SLC4A10: variants seen among roughly 807,000 people sequenced by gnomAD.
SLC4A10 encodes sodium-driven chloride bicarbonate exchanger.
A neutral mutation model predicts 137.7 loss-of-function variants in SLC4A10; 42 were observed. The ratio of observed to expected loss-of-function variants is 0.30; its 90% CI spans 0.24 to 0.39. The LOEUF (loss-of-function observed/expected upper bound fraction) is 0.39. SLC4A10 is among the 10% of genes least tolerant of loss of function. SLC4A10 has a pLI of 1.00. For synonymous variants in SLC4A10, 474 were observed against 464.1 expected, an observed-to-expected ratio of 1.02 and a Z score of -0.27; for missense variants, 925 against 1,355.0, an observed-to-expected ratio of 0.68 and a Z score of 4.98.
At chr2:161,670,173 G>C (rs1334319029) in intron 1 of SLC4A10, among the ~76,000 whole-genome samples, 1 of 151,972 alleles carries the variant, frequency 6.6e-6, no homozygotes, top group African/African-American at 2.4e-5. Context: ...TTAGTCTTTA[G>C]GGTCTTTCCC....
chr2:161,755,447 C>T (rs1053333567), intron 1 of SLC4A10, among the ~76,000 whole-genome samples: 3 of 152,112 alleles, frequency 2.0e-5, no homozygotes, highest in Admixed American at 6.5e-5. Flanking sequence ...GTTTTCTCAT[C>T]TTTAAAATAT....
intron 11 of SLC4A10, among the ~76,000 whole-genome samples, chr2:161,895,365 A>G (rs1224413609): frequency 3.3e-5 from 5 of 152,120 alleles, no homozygotes; most frequent in East Asian, 1.9e-4. Flanking sequence ...TAGTGCCGCA[A>G]TAAACATACA....
chr2:161,892,700 C>G (rs1486051568), intron 10 of SLC4A10, among the ~76,000 whole-genome samples: 1 of 152,028 alleles, frequency 6.6e-6, no homozygotes, highest in Non-Finnish European at 1.5e-5. Flanking sequence ...TTTAGGCCAG[C>G]ATAAAGAATA....
At chr2:161,851,870 G>C (rs1030915002) in intron 4 of SLC4A10, among the ~76,000 whole-genome samples, 6 of 151,982 alleles carry the variant, frequency 3.9e-5, no homozygotes, top group African/African-American at 1.4e-4. Context: ...ATAATTTTTG[G>C]AGATTACATT....
intron 3 of SLC4A10, among the ~76,000 whole-genome samples, chr2:161,817,642 G>C (rs2057218641): frequency 1.3e-5 from 2 of 152,122 alleles, no homozygotes; most frequent in African/African-American, 4.8e-5. Flanking sequence ...AATCCATCTT[G>C]AATTAATTTT....
At chr2:161,977,832 G>A (rs1699626173) in intron 26 of SLC4A10, 72 bp downstream of exon 26, 1 of 1,439,904 alleles carries the variant, frequency 6.9e-7, no homozygotes, top group African/African-American at 1.5e-5. Flanking sequence ...CTAGAAACCT[G>A]GTCAGTCTAT....
intron 1 of SLC4A10, among the ~76,000 whole-genome samples, chr2:161,748,563 G>T (rs77352114): frequency 0.028 from 4,187 of 151,372 alleles, 176 homozygotes; most frequent in African/African-American, 0.096. Flanking sequence ...TATCTTCTTG[G>T]TTGCTTTGTC....
At chr2:161,808,385 C>A (rs927018887) in intron 3 of SLC4A10, among the ~76,000 whole-genome samples, 1 of 152,008 alleles carries the variant, frequency 6.6e-6, no homozygotes, top group South Asian at 2.1e-4. Flanking sequence ...TTGCTCATAT[C>A]CCTTTACTTT....
At chr2:161,692,785 T>C (rs77887528) in intron 1 of SLC4A10, among the ~76,000 whole-genome samples, 84 of 152,208 alleles carry the variant, frequency 5.5e-4, no homozygotes, top group African/African-American at 2.0e-3. Context: ...TAATCAGATG[T>C]TTAAATTTTA....
At chr2:161,905,190 C>T (rs900603104) in intron 14 of SLC4A10, among the ~76,000 whole-genome samples, 2 of 152,070 alleles carry the variant, frequency 1.3e-5, no homozygotes, top group African/African-American at 2.4e-5. Flanking sequence ...GGTCTGCAAC[C>T]ATTTTGGCAC....
intron 1 of SLC4A10, among the ~76,000 whole-genome samples, chr2:161,640,776 C>T: frequency 6.6e-6 from 1 of 152,066 alleles, no homozygotes; most frequent in Non-Finnish European, 1.5e-5. Flanking sequence ...AGCTATCCTC[C>T]TACCTCAGCC....
Position 161,839,915 on chromosome 2 carries a change from G to A in SLC4A10, c.404G>A (p.Arg135Gln), listed in dbSNP as rs1382333814. 8.7e-6 allele frequency: 14 copies of A among 1,613,628 alleles called. No homozygotes were observed. The highest frequency in any genetic ancestry group is 5.0e-5 in the Admixed American group (3 of 59,972). Residue 135 changes from arginine (R) to glutamine (Q), a missense_variant, in exon 4 of 27, where the codon CGA becomes CAA. Transcript: ENST00000446997. ...CGTGAAGGTGAGGACGCTGAGTGGC[G>A]AGAAACAGCCAGGTGAGGATTTTTG... is the stretch of plus-strand genomic sequence containing the variant. ...CWREGEDAEWRETARWLKFEE... is the reference protein window; with the variant it reads ...CWREGEDAEWQETARWLKFEE...
chr2:161,638,288 C>A (rs565382539), intron 1 of SLC4A10, among the ~76,000 whole-genome samples: 1 of 152,156 alleles, frequency 6.6e-6, no homozygotes, highest in Admixed American at 6.5e-5. Flanking sequence ...GTATTTAATC[C>A]ATTTTGAGTT....
At chr2:161,731,340 A>G (rs1200397591) in intron 1 of SLC4A10, among the ~76,000 whole-genome samples, 1 of 152,168 alleles carries the variant, frequency 6.6e-6, no homozygotes, top group East Asian at 1.9e-4. Flanking sequence ...ATGCTGCTAA[A>G]GTCATGTTTA....
At chr2:161,938,639 G>A (rs114435048) in intron 15 of SLC4A10, among the ~76,000 whole-genome samples, 2,286 of 151,046 alleles carry the variant, frequency 0.015, 55 homozygotes, top group African/African-American at 0.053. Flanking sequence ...ATTGAGAAGG[G>A]CATGATATGT....
At chr2:161,965,625 A>C (rs1277650340) in intron 23 of SLC4A10, among the ~76,000 whole-genome samples, 1 of 152,160 alleles carries the variant, frequency 6.6e-6, no homozygotes, top group Non-Finnish European at 1.5e-5. Context: ...ATAATTATTT[A>C]TTCTTGAAAT....
intron 1 of SLC4A10, among the ~76,000 whole-genome samples, chr2:161,717,905 G>A (rs187691661): frequency 1.3e-5 from 2 of 152,266 alleles, no homozygotes; most frequent in African/African-American, 2.4e-5. Context: ...GAATTCAGCT[G>A]TAAATTCATC....
intron 15 of SLC4A10, among the ~76,000 whole-genome samples, chr2:161,939,513 T>C (rs1692274427): frequency 6.6e-6 from 1 of 152,046 alleles, no homozygotes; most frequent in Non-Finnish European, 1.5e-5. Context: ...AATTAACATA[T>C]GTAGATTTCC....
At chr2:161,732,572 T>C (rs967825504) in intron 1 of SLC4A10, among the ~76,000 whole-genome samples, 1 of 152,240 alleles carries the variant, frequency 6.6e-6, no homozygotes, top group African/African-American at 2.4e-5. Context: ...TTTATGAGTA[T>C]GTCTCCCAGA....
Sources: allele counts gnomAD v4.1 joint callset (sites outside exome capture counted in the v4.1 genomes callset), GRCh38; gene constraint gnomAD v4.1.1; transcripts MANE v1.5; gene names NCBI Gene and HGNC (gene_info 2026-07-23, HGNC 2026-07-21).